Variants in DNAJB6 observed in about 807,000 individuals in gnomAD.
DNAJB6 encodes dnaJ homolog subfamily B member 6.
A neutral mutation model predicts 42.7 loss-of-function variants in DNAJB6; 16 were observed. The observed-to-expected ratio is 0.37, with a 90% CI of 0.25 to 0.57. DNAJB6 has a LOEUF of 0.57. Among genes scored for constraint, DNAJB6 ranks in the 20% least tolerant of loss-of-function variants. DNAJB6 has a pLI of 0.74. For synonymous variants in DNAJB6, 170 were observed against 163.5 expected (o/e 1.04, Z -0.30); for missense variants, 347 against 416.8 (o/e 0.83, Z 1.46).
intron 5 of DNAJB6, chr7:157,369,494 G>A (rs115469457): frequency 1.1e-4 from 50 of 446,608 alleles, no homozygotes; most frequent in African/African-American, 6.8e-4. Flanking sequence ...GGCTGTCCTC[G>A]TGATGTCTGA....
At chr7:157,356,908 A>G (rs1367565997) in intron 1 of DNAJB6, among the ~76,000 whole-genome samples, 2 of 152,178 alleles carry the variant, frequency 1.3e-5, no homozygotes, top group African/African-American at 4.8e-5. Flanking sequence ...GATGTTAGTC[A>G]TTCTGTCGAA....
At chr7:157,357,152 A>G (rs902448433) in intron 1 of DNAJB6, among the ~76,000 whole-genome samples, 1 of 150,402 alleles carries the variant, frequency 6.6e-6, no homozygotes, top group African/African-American at 2.5e-5. Context: ...AAAAAACAAA[A>G]AACAAAAACC....
chr7:157,409,096 C>T (rs565298090), intron 8 of DNAJB6, among the ~76,000 whole-genome samples: 1 of 152,346 alleles, frequency 6.6e-6, no homozygotes, highest in Admixed American at 6.5e-5. Context: ...ATATTGTTTT[C>T]TTGTTTTTAT....
chr7:157,358,652 T>G lies in DNAJB6; in HGVS notation c.65+15T>G. ...ATTAAAAAGGCGTAAGTAGTTTTAT[T>G]TCTGTGGTAATGCATTTTCACAGTG... On this transcript the variant is annotated intron_variant, in intron 2 of 9. Transcript: ENST00000262177. The G allele has an allele frequency of 6.2e-7, 1 of 1,600,486 alleles. No individual in the cohort carries two copies. The highest frequency in any genetic ancestry group is 8.6e-7 in the Non-Finnish European group (1 of 1,167,534).
In DNAJB6 at chr7:157,366,537, G is replaced by A. The variant is rs1554458004; in HGVS notation, c.211G>A (p.Glu71Lys). The A allele has an allele frequency of 6.2e-7, 1 of 1,614,076 alleles. No individual in the cohort carries two copies. The highest frequency in any genetic ancestry group is 1.1e-5 in the South Asian group (1 of 91,070). Residue 71 changes from glutamate to lysine, a missense_variant, in exon 4 of 10, where the codon GAA becomes AAA. Glu to Lys is a moderately conservative substitution (Grantham distance 56). Transcript: ENST00000262177. ...GGACATCTATGACAAATATGGCAAA[G>A]AAGGATTAAATGGTGGAGGAGGAGG... Reference protein sequence around the residue: ...KRDIYDKYGKEGLNGGGGGGS... With the variant: ...KRDIYDKYGKKGLNGGGGGGS...
At chr7:157,406,673 C>T (rs1019810901) in intron 8 of DNAJB6, among the ~76,000 whole-genome samples, 1 of 152,206 alleles carries the variant, frequency 6.6e-6, no homozygotes, top group African/African-American at 2.4e-5. Context: ...CACTCCAGGG[C>T]TTCTCTGAGC....
At chr7:157,368,218 T>A (rs943765077) in intron 5 of DNAJB6, among the ~76,000 whole-genome samples, 3 of 152,228 alleles carry the variant, frequency 2.0e-5, no homozygotes, top group Admixed American at 6.5e-5. Context: ...TTTAATGTAT[T>A]TTTTTCTTTG....
rs371387966 is a variant in DNAJB6, at chr7:157,407,304, C to T, written c.692-2491C>T. Reference sequence around the variant, plus strand: ...GGGCTGTGACTGGGCCAGGCAGGGGCGGCTCTTCTGGCGGCAGTGACAGAG... The same window carrying T: ...GGGCTGTGACTGGGCCAGGCAGGGGTGGCTCTTCTGGCGGCAGTGACAGAG... On this transcript the variant is annotated intron_variant, in intron 8 of 9. Coordinates refer to ENST00000262177, the MANE Select transcript of DNAJB6 (RefSeq NM_058246.4). Among the ~76,000 whole-genome samples, 232 of 152,304 alleles carry T rather than the reference C, an allele frequency of 1.5e-3. 2 individuals carry two copies. Among genetic ancestry groups the T allele is most frequent in the African/African-American group, 4.9e-3 (205 of 41,554 alleles).
chr7:157,411,455 T>C (rs1487430040), intron 9 of DNAJB6: 1 of 152,262 alleles, frequency 6.6e-6, no homozygotes, highest in African/African-American at 2.4e-5. Flanking sequence ...ATCCCTGCAC[T>C]GAGCGGGCGT....
At chr7:157,353,184 T>TC (rs551750785) in intron 1 of DNAJB6, among the ~76,000 whole-genome samples, 7 of 151,644 alleles carry the variant, frequency 4.6e-5, no homozygotes, top group Non-Finnish European at 1.0e-4. Flanking sequence ...CGCCTCGGGC[T>TC]CCTAAAGTGT....
chr7:157,357,376 A>G (rs1799361618), intron 1 of DNAJB6, among the ~76,000 whole-genome samples: 1 of 146,434 alleles, frequency 6.8e-6, no homozygotes, highest in Non-Finnish European at 1.5e-5. Context: ...GTCTGGTGGC[A>G]CGATGTCAGC....
chr7:157,362,215 G>A (rs1403072282), intron 2 of DNAJB6, among the ~76,000 whole-genome samples: 4 of 152,164 alleles, frequency 2.6e-5, no homozygotes, highest in African/African-American at 7.2e-5. Context: ...GAAAGATTCT[G>A]AGATCCTGGC....
At chr7:157,348,671 C>T (rs1487358184) in intron 1 of DNAJB6, among the ~76,000 whole-genome samples, 2 of 152,060 alleles carry the variant, frequency 1.3e-5, no homozygotes, top group Non-Finnish European at 2.9e-5. Context: ...TTTCCACATA[C>T]TCCTGTTGAG....
intron 5 of DNAJB6, chr7:157,369,097 G>C (rs1799984505): frequency 2.7e-6 from 1 of 365,038 alleles, no homozygotes; most frequent in Non-Finnish European, 5.4e-6. Context: ...GCATTTTCAG[G>C]GAAACTGAAG....
chr7:157,366,646 C>A, intron 4 of DNAJB6, 85 bp downstream of exon 4: 1 of 1,301,410 alleles, frequency 7.7e-7, no homozygotes, highest in South Asian at 1.2e-5. Flanking sequence ...TGGTCAGAGT[C>A]GATTTTGTAT....
chr7:157,386,620 C>T (rs963141728), intron 8 of DNAJB6, among the ~76,000 whole-genome samples: 3 of 151,562 alleles, frequency 2.0e-5, no homozygotes, highest in Non-Finnish European at 2.9e-5. Context: ...GGTAGCTCAA[C>T]GCCTGTAATC....
chr7:157,369,092 T>G (rs1361559197), intron 5 of DNAJB6: 3 of 365,270 alleles, frequency 8.2e-6, no homozygotes, highest in Admixed American at 3.6e-5. Context: ...CTCAAGCATT[T>G]TCAGGGAAAC....
intron 5 of DNAJB6, among the ~76,000 whole-genome samples, chr7:157,369,926 T>TATTATTAAACGGGACCCTTCTTAAG (rs1427270939): frequency 5.0e-4 from 75 of 149,014 alleles, no homozygotes; most frequent in Admixed American, 1.7e-3. Context: ...TTCTTAACAT[T>TATTATTAAACGGGACCCTTCTTAAG]ATTATTAAAC....
chr7:157,394,495 C>T (rs1474538620), intron 8 of DNAJB6, among the ~76,000 whole-genome samples: 2 of 151,658 alleles, frequency 1.3e-5, no homozygotes, highest in Non-Finnish European at 1.5e-5. Context: ...CACCACTGCA[C>T]TCCAGTCTGG....
Sources: gnomAD v4.1 joint callset for allele counts (sites outside exome capture counted in the v4.1 genomes callset) on GRCh38, gnomAD v4.1.1 for gene constraint, MANE v1.5 for transcripts, NCBI Gene and HGNC (gene_info 2026-07-23, HGNC 2026-07-21) for gene names.